FHAD1: variants seen among roughly 807,000 people sequenced by gnomAD.
FHAD1 encodes the protein forkhead-associated domain-containing protein 1.
FHAD1 carries 146 observed loss-of-function variants against 191.3 expected under a neutral mutation model. The ratio of observed to expected loss-of-function variants is 0.76; its 90% CI spans 0.67 to 0.88. The LOEUF (loss-of-function observed/expected upper bound fraction) is 0.88. Ranked by LOEUF, FHAD1 falls within the 40% of genes least tolerant of loss-of-function variation. The pLI, the probability that FHAD1 is intolerant of heterozygous loss-of-function variation, is 0.00. For synonymous variants in FHAD1, 616 were observed against 672.3 expected (o/e 0.92, Z 1.29); for missense variants, 1,635 against 1,785.8 (o/e 0.92, Z 1.52).
At chr1:15,340,270 A>G (rs991084280) in intron 15 of FHAD1, among the ~76,000 whole-genome samples, 2 of 152,254 alleles carry the variant, frequency 1.3e-5, no homozygotes, top group Admixed American at 6.5e-5. Context: ...TCTGATAGCT[A>G]TTGCCATAAT....
At chr1:15,303,046 C>T (rs956308790) in intron 6 of FHAD1, among the ~76,000 whole-genome samples, 1 of 152,220 alleles carries the variant, frequency 6.6e-6, no homozygotes, top group Admixed American at 6.5e-5. Flanking sequence ...TTCATCCACT[C>T]ATTCGTTCAT....
upstream of FHAD1, among the ~76,000 whole-genome samples, chr1:15,242,676 C>T (rs1028557677): frequency 1.3e-5 from 2 of 152,062 alleles, no homozygotes; most frequent in Admixed American, 6.6e-5. Context: ...TCAGAGCAGC[C>T]GGCCAGATAA....
intron 10 of FHAD1, among the ~76,000 whole-genome samples, chr1:15,323,998 G>T (rs977467048): frequency 6.6e-6 from 1 of 152,160 alleles, no homozygotes; most frequent in African/African-American, 2.4e-5. Flanking sequence ...CTGTATAGTG[G>T]CTACTGTCAT....
chr1:15,371,657 G>A (rs1356091593), intron 26 of FHAD1, among the ~76,000 whole-genome samples: 2 of 152,204 alleles, frequency 1.3e-5, no homozygotes, highest in Non-Finnish European at 2.9e-5. Context: ...TATACACAGA[G>A]AGACAGAGAG....
At chr1:15,347,311 A>G (rs544465190) in intron 18 of FHAD1, among the ~76,000 whole-genome samples, 18 of 152,348 alleles carry the variant, frequency 1.2e-4, no homozygotes, top group African/African-American at 4.3e-4. Flanking sequence ...GGCTCAGGAG[A>G]TAAATTCAAG....
chr1:15,267,843 AAAAT>A (rs1357427237), intron 2 of FHAD1, among the ~76,000 whole-genome samples: 4 of 147,460 alleles, frequency 2.7e-5, no homozygotes, highest in African/African-American at 4.9e-5. Context: ...ATATATTTAT[AAAAT>A]AAATATTTTA....
chr1:15,308,056 G>T (rs1441808317), intron 6 of FHAD1, among the ~76,000 whole-genome samples: 2 of 152,098 alleles, frequency 1.3e-5, no homozygotes, highest in African/African-American at 4.8e-5. Flanking sequence ...CCCAGTCTCG[G>T]GTATGTCTTT....
chr1:15,376,398 G>A (rs1282473179), intron 28 of FHAD1, among the ~76,000 whole-genome samples: 1 of 152,186 alleles, frequency 6.6e-6, no homozygotes. Flanking sequence ...CCGATCACGG[G>A]TGATATTCTG....
intron 20 of FHAD1, among the ~76,000 whole-genome samples, chr1:15,353,577 C>T (rs578091381): frequency 3.3e-5 from 5 of 151,814 alleles, no homozygotes; most frequent in South Asian, 2.1e-4. Context: ...TGGTGGCACG[C>T]GCCTGTAATC....
At chr1:15,293,487 A>C (rs922935058) in intron 4 of FHAD1, among the ~76,000 whole-genome samples, 75 of 152,270 alleles carry the variant, frequency 4.9e-4, no homozygotes, top group African/African-American at 1.8e-3. Flanking sequence ...TGGGAGGCCA[A>C]GGAGGGCGAA....
chr1:15,365,956 C>A, intron 24 of FHAD1, 23 bp downstream of exon 24: 1 of 1,464,722 alleles, frequency 6.8e-7, no homozygotes, highest in Non-Finnish European at 9.4e-7. Context: ...TCTGGTGTCT[C>A]TTGACCTCCT....
intron 2 of FHAD1, among the ~76,000 whole-genome samples, chr1:15,255,073 T>G (rs1251437161): frequency 6.6e-6 from 1 of 151,224 alleles, no homozygotes; most frequent in Non-Finnish European, 1.5e-5. Flanking sequence ...TCATTTGTCT[T>G]ATTTGTGCTG....
At chr1:15,370,849 A>T (rs1697872613) in intron 26 of FHAD1, among the ~76,000 whole-genome samples, 1 of 152,100 alleles carries the variant, frequency 6.6e-6, no homozygotes, top group Non-Finnish European at 1.5e-5. Flanking sequence ...CGTTCCAGTA[A>T]TGGGCTTTGG....
chr1:15,328,444 C>G lies in FHAD1; in HGVS notation c.1710+15C>G, dbSNP rs185084325. 2.8e-6 allele frequency: 4 copies of G among 1,450,512 alleles called. No individual in the cohort carries two copies. Among genetic ancestry groups the G allele is most frequent in the South Asian group, 3.0e-5 (2 of 67,524 alleles). 89.9% of individuals were successfully genotyped at this position (1,450,512 alleles called of 1,614,324 possible). A position where few individuals can be genotyped will look rare whatever the true frequency, so the allele number is the denominator to read the frequency against. ...ACAGCTGCCAGGTGGCCCCTCCTTACGCTTTCCACAAATGGTCTCTTTGTC... is the reference window on the plus strand; with the variant it reads ...ACAGCTGCCAGGTGGCCCCTCCTTAGGCTTTCCACAAATGGTCTCTTTGTC... On this transcript the variant is annotated intron_variant, in intron 13 of 33. Transcript: ENST00000688493.
chr1:15,314,379 A>G (rs1251322693), intron 8 of FHAD1: 1 of 152,186 alleles, frequency 6.6e-6, no homozygotes, highest in African/African-American at 2.4e-5. Context: ...GGGCACACAG[A>G]CCAGGGTCCG....
chr1:15,238,948 C>T (rs1021070630), intron 1 of FHAD1, among the ~76,000 whole-genome samples: 12 of 152,194 alleles, frequency 7.9e-5, no homozygotes, highest in African/African-American at 2.7e-4. Context: ...CACTAAGTCA[C>T]CCAGGCAGGA....
intron 4 of FHAD1, among the ~76,000 whole-genome samples, chr1:15,293,551 C>G (rs997208821): frequency 3.9e-5 from 6 of 152,136 alleles, no homozygotes; most frequent in Admixed American, 2.0e-4. Context: ...AACCCCATCT[C>G]TACTAAAAAT....
chr1:15,372,256 A>G (rs1430245199), intron 26 of FHAD1, among the ~76,000 whole-genome samples: 1 of 152,102 alleles, frequency 6.6e-6, no homozygotes, highest in Non-Finnish European at 1.5e-5. Flanking sequence ...GGACCGTCCC[A>G]GGAGGGCCTC....
chr1:15,341,687 A>G, intron 15 of FHAD1, 49 bp from the exon 16 acceptor site: 1 of 1,462,676 alleles, frequency 6.8e-7, no homozygotes, highest in Non-Finnish European at 9.2e-7. Flanking sequence ...AAGACTCTTT[A>G]GTTAGGCCTG....
Sources: gnomAD v4.1 joint callset for allele counts (sites outside exome capture counted in the v4.1 genomes callset) on GRCh38, gnomAD v4.1.1 for gene constraint, MANE v1.5 for transcripts, NCBI Gene and HGNC (gene_info 2026-07-23, HGNC 2026-07-21) for gene names.